The following JUP variants were observed in gnomAD, a reference collection of about 807,000 sequenced individuals.
The protein encoded by JUP is junction plakoglobin, also known as catenin (cadherin-associated protein), gamma 80kDa.
In JUP, 28 loss-of-function variants were observed where a neutral mutation model predicts 71.1. That is an observed-to-expected ratio of 0.39 (90% CI 0.29 to 0.54). JUP has a LOEUF of 0.54. Among genes scored for constraint, JUP ranks in the 20% least tolerant of loss-of-function variants. The pLI, the probability that JUP is intolerant of heterozygous loss-of-function variation, is 0.62. For synonymous variants in JUP, 401 were observed against 438.9 expected (o/e 0.91, Z 1.08); for missense variants, 869 against 1,030.1 (o/e 0.84, Z 2.14).
At position 41,771,750 on chromosome 17, in the gene JUP, G is replaced by C. The variant is rs1435110827; in HGVS notation, c.105C>G (p.Pro35=). 2 of 1,614,030 alleles carry C rather than the reference G, an allele frequency of 1.2e-6. No homozygotes were observed. The highest frequency in any genetic ancestry group is 2.7e-5 in the African/African-American group (2 of 74,914). The part of the protein sequence containing the change: ...GIHSGANTCV[P]SVSSKGIMEE... ...CCATGATGCCCTTGCTGCTGACGGA[G>C]GGCACGCAGGTGTTGGCGCCCGAGT... Residue 35 remains proline, a synonymous_variant, in exon 2 of 14, where the codon CCC becomes CCG. Coordinates refer to ENST00000393931, the MANE Select transcript of JUP (RefSeq NM_002230.4).
chr17:41,768,961 T>C lies in JUP; in HGVS notation c.707+8A>G. On this transcript the variant is annotated splice_region_variant and intron_variant, in intron 4 of 13. Coordinates refer to ENST00000393931, the MANE Select transcript of JUP (RefSeq NM_002230.4). ...TCCTGGGCTCATGCAGTGAGCAGGG[T>C]TGGGTACCTGAGCATGCGGACCAGA... 1 of 1,595,596 alleles carries C rather than the reference T, an allele frequency of 6.3e-7. No homozygotes were observed. Among genetic ancestry groups the C allele is most frequent in the South Asian group, 1.1e-5 (1 of 88,930 alleles).
chr17:41,755,402 CA>C lies in JUP; in HGVS notation c.*341del. 2.4e-6 allele frequency: 1 copy of C among 409,256 alleles called. No homozygotes were observed. Among genetic ancestry groups the C allele is most frequent in the Non-Finnish European group, 4.3e-6 (1 of 232,354 alleles). The allele number at this position is 409,256 out of a possible 1,614,324, so 25.4% of individuals were successfully genotyped here. On this transcript the variant is annotated 3_prime_UTR_variant, in exon 14 of 14. Coordinates refer to ENST00000393931, the MANE Select transcript of JUP (RefSeq NM_002230.4). ...CTTTTCTGTCTTGCCCCATCGCCTG[CA>C]CGGAGAGCCTCTCAGATGAGGAACC... is the stretch of plus-strand genomic sequence containing the variant.
chr17:41,771,996 G>A, intron 1 of JUP, 134 bp from the exon 2 acceptor site: 1 of 848,304 alleles, frequency 1.2e-6, no homozygotes, highest in Non-Finnish European at 1.9e-6. Context: ...GATGCAGGCT[G>A]GGGATGGGGG....
intron 1 of JUP, among the ~76,000 whole-genome samples, chr17:41,773,869 C>T (rs1377492120): frequency 1.3e-5 from 2 of 152,176 alleles, no homozygotes; most frequent in Non-Finnish European, 2.9e-5. Flanking sequence ...TGCAAGTGTA[C>T]AAGTAAACAC....
At position 41,757,598 on chromosome 17, in the gene JUP, G is replaced by A. The variant is rs374101324; in HGVS notation, c.1924+36C>T. 427 of 1,614,006 alleles carry A rather than the reference G, an allele frequency of 2.6e-4. 4 individuals carry two copies. Among genetic ancestry groups the A allele is most frequent in the South Asian group, 2.3e-3 (211 of 91,064 alleles). On this transcript the variant is annotated intron_variant, in intron 11 of 13. Coordinates refer to ENST00000393931, the MANE Select transcript of JUP (RefSeq NM_002230.4). ...CGGCCAGCCTCCATCGTGGCTGGGG[G>A]AGTGGGACCCAGCCTCCTGCCCTCC...
At chr17:41,767,655 C>T in intron 4 of JUP, 75 bp from the exon 5 acceptor site, 1 of 1,249,224 alleles carries the variant, frequency 8.0e-7, no homozygotes, top group Non-Finnish European at 1.1e-6. Context: ...CATGGGTTCC[C>T]ACCTCCCCCA....
intron 1 of JUP, among the ~76,000 whole-genome samples, chr17:41,780,905 G>C (rs1346078098): frequency 6.6e-6 from 1 of 151,950 alleles, no homozygotes; most frequent in Non-Finnish European, 1.5e-5. Context: ...ATTAGGCCGG[G>C]CACAGTGGCT....
At position 41,764,272 on chromosome 17, in the gene JUP, C is replaced by T. The variant is rs148331750; in HGVS notation, c.1158+441G>A. Reference sequence around the variant, plus strand: ...TTCTTTTGCTGGATGTGGTGGCTCACGCCTGTAATCCCAGCACTTTGGGAG... The same window carrying T: ...TTCTTTTGCTGGATGTGGTGGCTCATGCCTGTAATCCCAGCACTTTGGGAG... On this transcript the variant is annotated intron_variant, in intron 7 of 13. Transcript: ENST00000393931. Among the ~76,000 whole-genome samples, 11 of 152,302 alleles carry T rather than the reference C, an allele frequency of 7.2e-5. No homozygotes were observed. The East Asian group carries it at 1.7e-3, about 24-fold the overall frequency.
At chr17:41,774,749 G>A (rs1352032420) in intron 1 of JUP, among the ~76,000 whole-genome samples, 2 of 152,176 alleles carry the variant, frequency 1.3e-5, no homozygotes, top group Admixed American at 6.6e-5. Context: ...GAGCCCTCTT[G>A]CCAAGGGGAG....
intron 2 of JUP, chr17:41,771,444 A>G (rs1484180469): frequency 4.9e-6 from 3 of 612,830 alleles, no homozygotes; most frequent in East Asian, 5.6e-5. Context: ...GGTTCACAGA[A>G]GAGGATTCTG....
At chr17:41,781,004 C>T (rs1278297432) in intron 1 of JUP, among the ~76,000 whole-genome samples, 12 of 151,992 alleles carry the variant, frequency 7.9e-5, no homozygotes, top group African/African-American at 2.9e-4. Context: ...CACAGTGAAA[C>T]CCCGTCTCTA....
chr17:41,767,875 T>C (rs1915973168), intron 4 of JUP, among the ~76,000 whole-genome samples: 1 of 152,138 alleles, frequency 6.6e-6, no homozygotes, highest in South Asian at 2.1e-4. Flanking sequence ...GTAACCACCA[T>C]GTGGAAGGCC....
chr17:41,775,029 G>A (rs1280521125), intron 1 of JUP, among the ~76,000 whole-genome samples: 1 of 151,880 alleles, frequency 6.6e-6, no homozygotes, highest in Non-Finnish European at 1.5e-5. Flanking sequence ...CTTAAACCAG[G>A]GAGGTGCATG....
rs781907298 is a variant in JUP, at chr17:41,769,430, G to C, written c.456C>G (p.Asn152Lys). 1 of 1,612,324 alleles carries C rather than the reference G, an allele frequency of 6.2e-7. No homozygotes were observed. The highest frequency in any genetic ancestry group is 8.5e-7 in the Non-Finnish European group (1 of 1,179,516). Residue 152 changes from asparagine to lysine, a missense_variant, in exon 3 of 14, where the codon AAC becomes AAG. Physicochemically the swap from Asn to Lys is moderately conservative, Grantham distance 94. Transcript: ENST00000393931. ...GACCCTCACAGACCGGGTCCTCGTC[G>C]TTGAGCAGTTTGGTGAGCTCGGGCA... ...RALPELTKLL[N>K]DEDPVVVTKA...
chr17:41,768,996 C>T lies in JUP; in HGVS notation c.680G>A (p.Gly227Asp), dbSNP rs782010606. Residue 227 changes from glycine to aspartate, a missense_variant, in exon 4 of 14, where the codon GGC (glycine) becomes GAC (aspartate). Transcript: ENST00000393931. Reference protein sequence around the residue: ...EGLLAIFKSGGIPALVRMLSS... With the variant: ...EGLLAIFKSGDIPALVRMLSS... ...GAGCATGCGGACCAGAGCAGGGATG[C>T]CACCCGACTTGAAGATGGCGAGCAG... 2.5e-6 allele frequency: 4 copies of T among 1,608,060 alleles called. No individual in the cohort carries two copies. The highest frequency in any genetic ancestry group is 3.4e-6 in the Non-Finnish European group (4 of 1,177,732).
At chr17:41,773,107 G>T (rs1177375878) in intron 1 of JUP, 8 of 541,552 alleles carry the variant, frequency 1.5e-5, no homozygotes, top group Non-Finnish European at 1.6e-5. Context: ...GGGCACCAAG[G>T]TCTGTAGTCT....
At chr17:41,759,377 T>G (rs780321951) in intron 8 of JUP, among the ~76,000 whole-genome samples, 20 of 152,154 alleles carry the variant, frequency 1.3e-4, no homozygotes, top group Non-Finnish European at 2.2e-4. Context: ...GTCCGGCTGC[T>G]CATGGCTAAT....
intron 5 of JUP, among the ~76,000 whole-genome samples, chr17:41,765,866 G>T (rs1915635043): frequency 1.3e-5 from 2 of 152,154 alleles, no homozygotes; most frequent in South Asian, 4.1e-4. Flanking sequence ...CTTTGACAAA[G>T]GCTAGACATT....
intron 2 of JUP, among the ~76,000 whole-genome samples, chr17:41,770,775 T>A (rs1567821603): frequency 6.6e-6 from 1 of 152,214 alleles, no homozygotes; most frequent in Non-Finnish European, 1.5e-5. Flanking sequence ...GCCCCAGAGC[T>A]GAGTCAGTCA....
Sources: gnomAD v4.1 joint callset for allele counts (sites outside exome capture counted in the v4.1 genomes callset) on GRCh38, gnomAD v4.1.1 for gene constraint, MANE v1.5 for transcripts, NCBI Gene and HGNC (gene_info 2026-07-23, HGNC 2026-07-21) for gene names.